The following CNTN4 variants were observed in gnomAD, a reference collection of about 807,000 sequenced individuals.
CNTN4 encodes contactin-4.
CNTN4 carries 77 observed loss-of-function variants against 122.5 expected under a neutral mutation model. The ratio of observed to expected loss-of-function variants is 0.63; its 90% confidence interval spans 0.52 to 0.76. The LOEUF (loss-of-function observed/expected upper bound fraction) is 0.76. CNTN4 is among the 30% of genes least tolerant of loss of function. The pLI is 0.00. For missense variants in CNTN4, 1,256 were observed against 1,259.1 expected, an observed-to-expected ratio of 1.00 and a Z score of 0.04; for synonymous variants, 512 against 447.0, an observed-to-expected ratio of 1.15 and a Z score of -1.83.
chr3:2,394,220 G>A (rs562105037), intron 3 of CNTN4, among the ~76,000 whole-genome samples: 1 of 151,954 alleles, frequency 6.6e-6, no homozygotes, highest in East Asian at 1.9e-4. Flanking sequence ...TCAATCCAGA[G>A]TAAAGGAAGC....
At chr3:2,927,270 C>A (rs768762985) in intron 13 of CNTN4, 1 of 455,080 alleles carries the variant, frequency 2.2e-6, no homozygotes, top group South Asian at 1.6e-5. Context: ...CTTATAACAA[C>A]AAAAGGCAAT....
chr3:2,765,210 G>A (rs2090793190), intron 6 of CNTN4, among the ~76,000 whole-genome samples: 1 of 152,200 alleles, frequency 6.6e-6, no homozygotes, highest in Non-Finnish European at 1.5e-5. Context: ...AGTGCTGAGT[G>A]TAGTACAAAG....
chr3:2,797,313 G>A (rs1404281701), intron 6 of CNTN4, among the ~76,000 whole-genome samples: 1 of 152,080 alleles, frequency 6.6e-6, no homozygotes, highest in Non-Finnish European at 1.5e-5. Flanking sequence ...AATTTAGAAA[G>A]CTACACTGGG....
chr3:2,418,665 C>T (rs545000371), intron 3 of CNTN4, among the ~76,000 whole-genome samples: 1 of 151,978 alleles, frequency 6.6e-6, no homozygotes, highest in South Asian at 2.1e-4. Context: ...TAAAGCACAT[C>T]CAGGGTTTAT....
rs114646678 is a variant in CNTN4, at chr3:2,707,788, C to A, written c.56-28427C>A. 3.6e-3 allele frequency among the ~76,000 whole-genome samples: 553 copies of A among 152,158 alleles called. 5 individuals carry two copies. The highest frequency in any genetic ancestry group is 0.013 in the African/African-American group (533 of 41,522). Reference sequence around the variant, plus strand: ...CCTCCCTAAGTGCTGCACATACCACCACACCTGGCTCTGTTTGATACATTT... The same window carrying A: ...CCTCCCTAAGTGCTGCACATACCACAACACCTGGCTCTGTTTGATACATTT... On this transcript the variant is annotated intron_variant, in intron 4 of 24. Transcript: ENST00000418658.
intron 7 of CNTN4, among the ~76,000 whole-genome samples, chr3:2,864,507 G>A (rs2093702597): frequency 6.6e-6 from 1 of 151,964 alleles, no homozygotes; most frequent in South Asian, 2.1e-4. Context: ...GTGGGGCCGA[G>A]GAGGGCAGAT....
chr3:2,265,804 G>T (rs1608381), intron 2 of CNTN4, among the ~76,000 whole-genome samples: 137,017 of 151,310 alleles, frequency 0.91, 62,609 homozygotes, highest in East Asian at 1. Flanking sequence ...TGGTTAAATG[G>T]ATTCCTAGAA....
Position 2,916,456 on chromosome 3 carries a change from C to T in CNTN4, c.1208-9173C>T, listed in dbSNP as rs571258322. On this transcript the variant is annotated intron_variant, in intron 12 of 24. Coordinates refer to ENST00000418658, the MANE Select transcript of CNTN4 (RefSeq NM_175607.3). ...CTGTTTAACAAAGCACATCTTGCACCGCCCTTAATCCATTTAACCCTGAGT... is the reference window on the plus strand; with the variant it reads ...CTGTTTAACAAAGCACATCTTGCACTGCCCTTAATCCATTTAACCCTGAGT... 3.8e-3 allele frequency among the ~76,000 whole-genome samples: 566 copies of T among 149,096 alleles called. 5 individuals carry two copies. Among genetic ancestry groups the T allele is most frequent in the African/African-American group, 0.013 (512 of 39,866 alleles).
intron 2 of CNTN4, among the ~76,000 whole-genome samples, chr3:2,317,815 TCA>T (rs1559447782): frequency 6.6e-6 from 1 of 152,186 alleles, no homozygotes; most frequent in East Asian, 1.9e-4. Flanking sequence ...GTGCTAGAAC[TCA>T]GAGTCTGTGT....
chr3:2,732,002 C>T (rs9837567), intron 4 of CNTN4, among the ~76,000 whole-genome samples: 192 of 152,290 alleles, frequency 1.3e-3, no homozygotes, highest in African/African-American at 4.4e-3. Flanking sequence ...TAGGCCTTGA[C>T]ACATTCATGT....
chr3:2,153,791 T>TGA (rs913317869), intron 2 of CNTN4, among the ~76,000 whole-genome samples: 6 of 152,024 alleles, frequency 3.9e-5, no homozygotes, highest in Non-Finnish European at 8.8e-5. Flanking sequence ...GTTTCCTAGG[T>TGA]GAGAGAGTGT....
chr3:2,406,862 C>T (rs1206390110), intron 3 of CNTN4, among the ~76,000 whole-genome samples: 2 of 152,112 alleles, frequency 1.3e-5, no homozygotes, highest in East Asian at 1.9e-4. Context: ...CTTTATTAAG[C>T]CTCAGTTTCC....
At chr3:2,246,226 C>T (rs2040141631) in intron 2 of CNTN4, among the ~76,000 whole-genome samples, 1 of 151,954 alleles carries the variant, frequency 6.6e-6, no homozygotes, top group African/African-American at 2.4e-5. Flanking sequence ...TACTTTCCCT[C>T]CCCAAAATGT....
intron 3 of CNTN4, among the ~76,000 whole-genome samples, chr3:2,471,793 T>C (rs946360308): frequency 6.6e-6 from 1 of 152,214 alleles, no homozygotes; most frequent in African/African-American, 2.4e-5. Flanking sequence ...AACTTTTCAT[T>C]AACCTTGCCT....
In CNTN4 at chr3:2,120,366, T is replaced by TATATAA. The variant is rs2033647085; in HGVS notation, c.-145+19732_-145+19733insAATATA. 6.2e-5 allele frequency among the ~76,000 whole-genome samples: 3 copies of TATATAA among 48,744 alleles called. 1 individual carries two copies. The highest frequency in any genetic ancestry group is 1.9e-4 in the African/African-American group (3 of 16,150). The allele number at this position is 48,744 out of a possible 152,430, so 32.0% of individuals were successfully genotyped here. ...GGCATTTAGGTTATATATATATATATATATATAAATATATATATATATATA... is the reference window on the plus strand; with the variant it reads ...GGCATTTAGGTTATATATATATATATATATAAATATATAAATATATATATATATATA... On this transcript the variant is annotated intron_variant, in intron 2 of 24. Transcript: ENST00000418658.
intron 14 of CNTN4, among the ~76,000 whole-genome samples, chr3:3,015,698 TC>T (rs1697691555): frequency 6.6e-6 from 1 of 152,240 alleles, no homozygotes; most frequent in Non-Finnish European, 1.5e-5. Context: ...AGAATATTAA[TC>T]CTTCCCCACA....
chr3:2,343,496 C>T lies in CNTN4; in HGVS notation c.-89+4263C>T, dbSNP rs143799962. ...TCTCTGCAACCAGTGAGACTGGTCGCGGGTCACTCCTTCATTTACATAGTG... is the reference window on the plus strand; with the variant it reads ...TCTCTGCAACCAGTGAGACTGGTCGTGGGTCACTCCTTCATTTACATAGTG... On this transcript the variant is annotated intron_variant, in intron 3 of 24. Coordinates refer to ENST00000418658, the MANE Select transcript of CNTN4 (RefSeq NM_175607.3). Among the ~76,000 whole-genome samples, 1,210 of 152,236 alleles carry T rather than the reference C, an allele frequency of 7.9e-3. 7 individuals carry two copies. Among genetic ancestry groups the T allele is most frequent in the African/African-American group, 0.012 (485 of 41,534 alleles).
chr3:2,376,197 C>T (rs2045809560), intron 3 of CNTN4, among the ~76,000 whole-genome samples: 1 of 152,166 alleles, frequency 6.6e-6, no homozygotes, highest in Non-Finnish European at 1.5e-5. Context: ...CACCCATAAT[C>T]CATGTATCAG....
intron 7 of CNTN4, among the ~76,000 whole-genome samples, chr3:2,858,286 C>A (rs557003929): frequency 6.6e-6 from 1 of 152,332 alleles, no homozygotes; most frequent in South Asian, 2.1e-4. Context: ...AGAGTGAGAT[C>A]CAGCCTTTTG....
Sources: gnomAD v4.1 joint callset for allele counts (sites outside exome capture counted in the v4.1 genomes callset) on GRCh38, gnomAD v4.1.1 for gene constraint, MANE v1.5 for transcripts, NCBI Gene and HGNC (gene_info 2026-07-23, HGNC 2026-07-21) for gene names.